The following IGF2R variants were observed in gnomAD, a reference collection of about 807,000 sequenced individuals.
IGF2R encodes insulin like growth factor 2 receptor, also known as cation-independent mannose-6-phosphate receptor.
Under a neutral mutation model 270.6 loss-of-function variants are expected in IGF2R, and 91 were observed. The ratio of observed to expected loss-of-function variants is 0.34; its 90% confidence interval spans 0.28 to 0.40. The LOEUF is 0.40. IGF2R is among the 10% of genes least tolerant of loss of function. The pLI, the probability that IGF2R is intolerant of heterozygous loss-of-function variation, is 1.00. For synonymous variants in IGF2R, 1,316 were observed against 1,258.9 expected (o/e 1.05, Z -0.96); for missense variants, 2,805 against 3,188.3 (o/e 0.88, Z 2.90).
chr6:160,065,814 G>GTGTGTATATATATATATATA, intron 29 of IGF2R, among the ~76,000 whole-genome samples: 32 of 78,348 alleles, frequency 4.1e-4, no homozygotes, highest in Middle Eastern at 6.3e-3. Flanking sequence ...GTGTGTGTGT[G>GTGTGTATATATATATATATA]TATATATATA....
chr6:160,032,841 T>C, intron 8 of IGF2R, 101 bp from the exon 9 acceptor site: 1 of 1,392,182 alleles, frequency 7.2e-7, no homozygotes, highest in Non-Finnish European at 9.9e-7. Flanking sequence ...TTTGGGCTGG[T>C]GTTTCAGAAA....
chr6:159,974,346 A>G (rs984261453), intron 1 of IGF2R, among the ~76,000 whole-genome samples: 23 of 152,286 alleles, frequency 1.5e-4, no homozygotes, highest in Admixed American at 2.6e-4. Flanking sequence ...TTTAAAAATC[A>G]TATTTTGTCC....
chr6:159,985,832 T>G (rs553072834), intron 1 of IGF2R, among the ~76,000 whole-genome samples: 4 of 152,294 alleles, frequency 2.6e-5, no homozygotes, highest in African/African-American at 9.6e-5. Context: ...TGGCTAACTG[T>G]TTTACGCTCT....
At position 160,040,736 on chromosome 6, in the gene IGF2R, C is replaced by T; in HGVS notation, c.1480+12C>T. 1.2e-6 allele frequency: 2 copies of T among 1,606,510 alleles called. No individual in the cohort carries two copies. The highest frequency in any genetic ancestry group is 1.7e-6 in the Non-Finnish European group (2 of 1,175,082). ...GGTCCGCCATGCAGGTACTGCCCTC[C>T]TTGCCATGCGGGTCTTAGTCCACAT... is the stretch of plus-strand genomic sequence containing the variant. On this transcript the variant is annotated intron_variant, in intron 11 of 47. Coordinates refer to ENST00000356956, the MANE Select transcript of IGF2R (RefSeq NM_000876.4).
chr6:160,085,072 C>A lies in IGF2R; in HGVS notation c.6146C>A (p.Thr2049Asn). The change falls in exon 41 of 48, where the codon ACC becomes AAC. Residue 2049 changes from threonine to asparagine, a missense_variant. Coordinates refer to ENST00000356956, the MANE Select transcript of IGF2R (RefSeq NM_000876.4). ...CSERASICRR[T>N]TTGDVQVLGL... is the part of the protein sequence containing the mutation. ...GAAAGGGCCAGCATTTGCAGAAGGA[C>A]CACAACTGGTGACGTCCAGGTCCTG... 6.2e-7 allele frequency: 1 copy of A among 1,614,086 alleles called. No individual in the cohort carries two copies. The highest frequency in any genetic ancestry group is 8.5e-7 in the Non-Finnish European group (1 of 1,180,014).
intron 39 of IGF2R, among the ~76,000 whole-genome samples, chr6:160,082,172 A>G (rs1362066734): frequency 6.6e-6 from 1 of 152,232 alleles, no homozygotes; most frequent in Non-Finnish European, 1.5e-5. Context: ...AATGGGATGT[A>G]TTAAGGAACC....
chr6:160,020,013 A>G (rs1033744158), intron 4 of IGF2R, among the ~76,000 whole-genome samples: 4 of 152,178 alleles, frequency 2.6e-5, no homozygotes, highest in African/African-American at 9.7e-5. Flanking sequence ...GAGACAGTCA[A>G]CGTGTCTCTG....
At chr6:159,992,594 G>A (rs1024998481) in intron 2 of IGF2R, among the ~76,000 whole-genome samples, 5 of 139,652 alleles carry the variant, frequency 3.6e-5, no homozygotes, top group African/African-American at 8.5e-5. Context: ...AGAAAAGAAT[G>A]AAATCACACA....
In IGF2R at chr6:160,050,850, A is replaced by T. The variant is rs1778180648; in HGVS notation, c.2694+198A>T. Among the ~76,000 whole-genome samples, 1 of 152,124 alleles carries T rather than the reference A, an allele frequency of 6.6e-6. No homozygotes were observed. Among genetic ancestry groups the T allele is most frequent in the African/African-American group, 2.4e-5 (1 of 41,414 alleles). ...GGTACCTTCATGGCTGCGATTTCTGAAGTGTAAGCCTCATCTTTTGCTGCG... is the reference window on the plus strand; with the variant it reads ...GGTACCTTCATGGCTGCGATTTCTGTAGTGTAAGCCTCATCTTTTGCTGCG... On this transcript the variant is annotated intron_variant, in intron 19 of 47. Transcript: ENST00000356956. The surrounding 1 kb of genome is among the most constrained non-coding windows in gnomAD (Gnocchi z 4.0).
chr6:160,064,304 C>T, intron 27 of IGF2R, 97 bp from the exon 28 acceptor site: 3 of 1,393,520 alleles, frequency 2.2e-6, no homozygotes, highest in South Asian at 1.2e-5. Flanking sequence ...TACTTTGTCT[C>T]ACACTCTTCA....
chr6:160,057,562 G>A (rs891897105), intron 20 of IGF2R, among the ~76,000 whole-genome samples: 1 of 152,238 alleles, frequency 6.6e-6, no homozygotes, highest in Non-Finnish European at 1.5e-5. Context: ...TCAGTGGACA[G>A]AGGGAGGCCC....
intron 20 of IGF2R, 50 bp downstream of exon 20, chr6:160,056,575 C>G: frequency 8.6e-7 from 1 of 1,168,518 alleles, no homozygotes; most frequent in Non-Finnish European, 1.3e-6. Flanking sequence ...GCTGGACATC[C>G]TCAACTCACC....
chr6:159,978,779 A>G (rs1325417529), intron 1 of IGF2R, among the ~76,000 whole-genome samples: 2 of 152,120 alleles, frequency 1.3e-5, no homozygotes, highest in Non-Finnish European at 2.9e-5. Context: ...GGGTGGGGAA[A>G]ATCCCAGGTG....
intron 19 of IGF2R, among the ~76,000 whole-genome samples, chr6:160,053,268 TGGGGGCTGGGGGGGA>T (rs1778238496): frequency 6.7e-6 from 1 of 149,258 alleles, no homozygotes; most frequent in African/African-American, 2.5e-5. Flanking sequence ...CAGGGCCTGT[TGGGGGCTGGGGGGGA>T]GGGATAGCAT....
Position 160,111,173 on chromosome 6 carries a change from A to G in IGF2R, c.*6089A>G, listed in dbSNP as rs1221167580. 1 of 152,238 alleles carries G rather than the reference A, an allele frequency of 6.6e-6. No individual in the cohort carries two copies. The highest frequency in any genetic ancestry group is 1.5e-5 in the Non-Finnish European group (1 of 68,048). The allele number at this position is 152,238 out of a possible 1,614,324, so 9.4% of individuals were successfully genotyped here. On this transcript the variant is annotated 3_prime_UTR_variant, in exon 48 of 48. Transcript: ENST00000356956. ...GTATCTCAAAACATCATGTTGTACA[A>G]CATAAGTATACAATTGACCCTTGAA...
chr6:159,980,202 A>G (rs1222024972), intron 1 of IGF2R, among the ~76,000 whole-genome samples: 1 of 72,142 alleles, frequency 1.4e-5, no homozygotes. Context: ...AAAGAAAGAA[A>G]GAAAGAAAGA....
chr6:160,024,212 T>C, intron 4 of IGF2R, among the ~76,000 whole-genome samples: 1 of 150,256 alleles, frequency 6.7e-6, no homozygotes, highest in Non-Finnish European at 1.5e-5. Flanking sequence ...GAAATTTTGC[T>C]CTAAGTTGCA....
Position 159,992,204 on chromosome 6 carries a change from C to G in IGF2R, c.289+881C>G, listed in dbSNP as rs1783989344. 2.0e-5 allele frequency among the ~76,000 whole-genome samples: 3 copies of G among 152,128 alleles called. No individual in the cohort carries two copies. In the South Asian group the frequency reaches 6.2e-4, roughly 32 times the overall value. On this transcript the variant is annotated intron_variant, in intron 2 of 47. Transcript: ENST00000356956. ...GGGAGAGAAGCTTACTGTGGTAGCT[C>G]TGTCATTTTCTTTTGTGTTTTAAAC... is the stretch of plus-strand genomic sequence containing the variant.
In IGF2R at chr6:160,089,227, C is replaced by T; in HGVS notation, c.6441C>T (p.Ser2147=). The T allele has an allele frequency of 6.2e-7, 1 of 1,610,454 alleles. No individual in the cohort carries two copies. The highest frequency in any genetic ancestry group is 1.3e-5 in the African/African-American group (1 of 74,952). The change falls in exon 43 of 48, where the codon AGC becomes AGT. Residue 2147 remains serine (S), a synonymous_variant. Coordinates refer to ENST00000356956, the MANE Select transcript of IGF2R (RefSeq NM_000876.4). ...TCACCAACCCTATAAATGGCAAGAG[C>T]TTCAGCCTCGGAGATATTTATTTTA... ...GTITNPINGK[S]FSLGDIYFKL...
Sources: allele counts gnomAD v4.1 joint callset (sites outside exome capture counted in the v4.1 genomes callset), GRCh38; gene constraint gnomAD v4.1.1; non-coding constraint Gnocchi (gnomAD v3.1); transcripts MANE v1.5; gene names NCBI Gene and HGNC (gene_info 2026-07-23, HGNC 2026-07-21).